The following P2RY8 variants were observed in gnomAD, a reference collection of about 807,000 sequenced individuals.
P2RY8 encodes the protein S-geranylgeranyl-glutathione receptor P2RY8.
P2RY8 carries 6 observed loss-of-function variants against 10.0 expected under a neutral mutation model. The ratio of observed to expected loss-of-function variants is 0.60; its 90% CI spans 0.33 to 1.19. The LOEUF is 1.19. Ranked by LOEUF, P2RY8 falls within the 50% of genes most tolerant of loss-of-function variation. The pLI is 0.04. For synonymous variants in P2RY8, 276 were observed against 252.5 expected (o/e 1.09, Z -0.88); for missense variants, 456 against 542.0 (o/e 0.84, Z 1.58).
At chrX:1,525,593 G>A (rs1407853378) in intron 1 of P2RY8, among the ~76,000 whole-genome samples, 6 of 152,048 alleles carry the variant, frequency 3.9e-5, no homozygotes, top group African/African-American at 9.7e-5. Context: ...TGTTTCATCC[G>A]TCTATTCACC....
In P2RY8 at chrX:1,520,261, T is replaced by C. The variant is rs773778677; in HGVS notation, c.-25+16660A>G. ...TAATCTCTCTGATCCCAATATTCTC[T>C]CTGGTCCCCAGTCATCTGCTTGGTC... On this transcript the variant is annotated intron_variant, in intron 1 of 1. Coordinates refer to ENST00000381297, the MANE Select transcript of P2RY8 (RefSeq NM_178129.5). 3.3e-5 allele frequency among the ~76,000 whole-genome samples: 5 copies of C among 151,242 alleles called. No individual in the cohort carries two copies. In the South Asian group the frequency reaches 8.4e-4, roughly 25 times the overall value.
At chrX:1,482,474 A>C (rs2091945937) in intron 1 of P2RY8, among the ~76,000 whole-genome samples, 1 of 152,106 alleles carries the variant, frequency 6.6e-6, no homozygotes. Context: ...GAGAGGTGAC[A>C]GGAAGGTTCG....
intron 1 of P2RY8, among the ~76,000 whole-genome samples, chrX:1,476,878 C>G (rs1255318119): frequency 2.6e-5 from 4 of 151,988 alleles, no homozygotes; most frequent in Non-Finnish European, 4.4e-5. Context: ...AGGTTGACAA[C>G]CTGGCATGAG....
chrX:1,534,067 T>G (rs1402832660), intron 1 of P2RY8, among the ~76,000 whole-genome samples: 2 of 127,834 alleles, frequency 1.6e-5, no homozygotes, highest in Non-Finnish European at 3.1e-5. Flanking sequence ...TATTTGTATA[T>G]TATTTATATA....
intron 1 of P2RY8, among the ~76,000 whole-genome samples, chrX:1,477,898 G>A (rs1264212197): frequency 1.9e-4 from 29 of 152,194 alleles, no homozygotes; most frequent in Non-Finnish European, 3.5e-4. Context: ...AGCTGGTGTC[G>A]TGGAAAGGGA....
rs754715494 is a variant in P2RY8, at chrX:1,515,379, T to TC, written c.-25+21541_-25+21542insG. Among the ~76,000 whole-genome samples, 196 of 150,242 alleles carry TC rather than the reference T, an allele frequency of 1.3e-3. 1 individual carries two copies. Among genetic ancestry groups the TC allele is most frequent in the African/African-American group, 4.6e-3 (189 of 41,206 alleles). On this transcript the variant is annotated intron_variant, in intron 1 of 1. Transcript: ENST00000381297. ...TTTTAGGATATTTTCTTTCTTTCTT[T>TC]TTTTTTTTTTTGAGACAGTTTTGCT...
At chrX:1,474,898 A>ATGGATGGG (rs2091858172) in intron 1 of P2RY8, among the ~76,000 whole-genome samples, 1 of 139,270 alleles carries the variant, frequency 7.2e-6, no homozygotes, top group Non-Finnish European at 1.5e-5. Context: ...GGATGGATGG[A>ATGGATGGG]TGGATGGATA....
intron 1 of P2RY8, among the ~76,000 whole-genome samples, chrX:1,526,421 T>TC (rs2092440758): frequency 2.0e-5 from 3 of 148,368 alleles, no homozygotes; most frequent in Admixed American, 2.0e-4. Context: ...ATGCATCCAT[T>TC]CATTCATTCA....
chrX:1,495,611 G>C (rs1251151240), intron 1 of P2RY8, among the ~76,000 whole-genome samples: 1 of 142,492 alleles, frequency 7.0e-6, no homozygotes, highest in East Asian at 2.0e-4. Flanking sequence ...CCCAGTCTAT[G>C]GTATTCTGGG....
chrX:1,462,598 GTT>G lies in P2RY8; in HGVS notation c.*2879_*2880del, dbSNP rs111599059. ...TTGCCCTGTGCACTTCAAAGCTCAT[GTT>G]TTTTTTTAATGTTTTATTTTTATTT... On this transcript the variant is annotated 3_prime_UTR_variant, in exon 2 of 2. Coordinates refer to ENST00000381297, the MANE Select transcript of P2RY8 (RefSeq NM_178129.5). The G allele has an allele frequency of 1.8e-5, 4 of 227,190 alleles. No homozygotes were observed. In the East Asian group the frequency reaches 1.9e-4, roughly 11 times the overall value. The allele number at this position is 227,190 out of a possible 1,614,324, so 14.1% of individuals were successfully genotyped here.
chrX:1,526,340 A>G, intron 1 of P2RY8, among the ~76,000 whole-genome samples: 1 of 151,608 alleles, frequency 6.6e-6, no homozygotes, highest in East Asian at 2.0e-4. Flanking sequence ...TCATTCATCC[A>G]TCCATCCATC....
chrX:1,530,063 C>T (rs2092462022), intron 1 of P2RY8, among the ~76,000 whole-genome samples: 1 of 151,918 alleles, frequency 6.6e-6, no homozygotes, highest in Non-Finnish European at 1.5e-5. Context: ...TAGAGAATCT[C>T]TCCTCTCTCT....
intron 1 of P2RY8, among the ~76,000 whole-genome samples, chrX:1,477,181 T>C (rs1486997494): frequency 7.2e-6 from 1 of 138,480 alleles, no homozygotes; most frequent in Admixed American, 7.6e-5. Flanking sequence ...AGAGCAAGAC[T>C]GCATCTCAAA....
At chrX:1,529,541 T>C (rs1178522688) in intron 1 of P2RY8, among the ~76,000 whole-genome samples, 1 of 151,788 alleles carries the variant, frequency 6.6e-6, no homozygotes, top group African/African-American at 2.4e-5. Context: ...CCTGGGAAGA[T>C]GCTCAGTGCC....
At chrX:1,510,895 G>GAAAAAAAGA (rs1415637151) in intron 1 of P2RY8, among the ~76,000 whole-genome samples, 1 of 148,888 alleles carries the variant, frequency 6.7e-6, no homozygotes, top group Non-Finnish European at 1.5e-5. Context: ...AAAAAGAAAA[G>GAAAAAAAGA]AGGCCAGGCA....
chrX:1,515,513 A>G (rs1368861119), intron 1 of P2RY8, among the ~76,000 whole-genome samples: 3 of 151,430 alleles, frequency 2.0e-5, no homozygotes, highest in African/African-American at 7.3e-5. Flanking sequence ...CTGGGACTAC[A>G]GGTGCCCGCC....
At chrX:1,500,243 G>T (rs772260009) in intron 1 of P2RY8, among the ~76,000 whole-genome samples, 2 of 151,674 alleles carry the variant, frequency 1.3e-5, no homozygotes, top group South Asian at 4.2e-4. Context: ...ATTCTTTTTG[G>T]TGTTATTGTT....
chrX:1,485,177 G>A (rs758249279), intron 1 of P2RY8, among the ~76,000 whole-genome samples: 16 of 151,450 alleles, frequency 1.1e-4, no homozygotes, highest in Middle Eastern at 3.4e-3. Context: ...TCACTCGGTC[G>A]TCCAGGCTGG....
chrX:1,475,875 A>G (rs1362711685), intron 1 of P2RY8, among the ~76,000 whole-genome samples: 1 of 152,132 alleles, frequency 6.6e-6, no homozygotes, highest in Non-Finnish European at 1.5e-5. Flanking sequence ...GAGCATATAG[A>G]TTATGATGTG....
Sources: gnomAD v4.1 joint callset for allele counts (sites outside exome capture counted in the v4.1 genomes callset) on GRCh38, gnomAD v4.1.1 for gene constraint, MANE v1.5 for transcripts, NCBI Gene and HGNC (gene_info 2026-07-23, HGNC 2026-07-21) for gene names.